The following CHRDL2 variants were observed in gnomAD, a reference collection of about 807,000 sequenced individuals.
CHRDL2 encodes the protein chordin-like protein 2.
In CHRDL2, 41 loss-of-function variants were observed where a neutral mutation model predicts 54.3. The ratio of observed to expected loss-of-function variants is 0.76; its 90% CI spans 0.59 to 0.98. CHRDL2 has a LOEUF of 0.98. Ranked by LOEUF, CHRDL2 falls within the 50% of genes least tolerant of loss-of-function variation. The pLI is 0.00. For synonymous variants in CHRDL2, 220 were observed against 224.3 expected (o/e 0.98, Z 0.17); for missense variants, 518 against 562.4 (o/e 0.92, Z 0.80).
In CHRDL2 at chr11:74,706,513, C is replaced by G; in HGVS notation, c.556G>C (p.Asp186His). Residue 186 changes from aspartate to histidine, a missense_variant, in exon 6 of 11, where the codon GAC (aspartate) becomes CAC (histidine). Transcript: ENST00000376332. ...ACCCCATGGAGCGACTGCACACTGT[C>G]CTCTTCATCCGATTGCTCACTTGCC... ...DEASEQSDEE[D>H]SVQSLHGVRH... The G allele has an allele frequency of 6.2e-7, 1 of 1,614,102 alleles. No individual in the cohort carries two copies. The highest frequency in any genetic ancestry group is 8.5e-7 in the Non-Finnish European group (1 of 1,179,976).
At position 74,697,263 on chromosome 11, in the gene CHRDL2, C is replaced by T; in HGVS notation, c.1155G>A (p.Arg385=). ...GTGCCTCTTTCTGGAAGTCTTGCTT[C>T]CTGACTTTCTTGATCTGAGTCAAGT... ...IFHLTQIKKV[R]KQDFQKEAQH... The change falls in exon 10 of 11, where the codon AGG becomes AGA. Residue 385 remains arginine, a synonymous_variant. Coordinates refer to ENST00000376332, the MANE Select transcript of CHRDL2 (RefSeq NM_001278473.3). 1 of 1,614,056 alleles carries T rather than the reference C, an allele frequency of 6.2e-7. No individual in the cohort carries two copies. The highest frequency in any genetic ancestry group is 1.3e-5 in the African/African-American group (1 of 75,050).
intron 9 of CHRDL2, chr11:74,698,897 G>A (rs754372735): frequency 1.7e-4 from 26 of 152,268 alleles, no homozygotes; most frequent in South Asian, 4.1e-4. Flanking sequence ...TGGCCAGAAA[G>A]AACAGATGCA....
intron 9 of CHRDL2, among the ~76,000 whole-genome samples, chr11:74,700,484 G>A (rs2033764616): frequency 6.6e-6 from 1 of 152,108 alleles, no homozygotes. Flanking sequence ...ACTGCACCCA[G>A]GTCACTAAGC....
Position 74,718,873 on chromosome 11 carries a change from CA to C in CHRDL2, c.83-42del, listed in dbSNP as rs774042578. On this transcript the variant is annotated intron_variant, in intron 1 of 10. Transcript: ENST00000376332. ...GTGCCATGTTAGTCCCAGGAGGCTC[CA>C]GCCCAAAGACCCTGTCTCATTTCTC... 1.6e-5 allele frequency: 20 copies of C among 1,258,710 alleles called. No homozygotes were observed. The African/African-American group carries it at 2.8e-4, about 18-fold the overall frequency. 78.0% of individuals were successfully genotyped at this position (1,258,710 alleles called of 1,614,324 possible). A position where few individuals can be genotyped will look rare whatever the true frequency, so the allele number is the denominator to read the frequency against.
chr11:74,699,483 G>C (rs2033727980), intron 9 of CHRDL2: 1 of 152,346 alleles, frequency 6.6e-6, no homozygotes, highest in African/African-American at 2.4e-5. Context: ...CCTTTGGGCT[G>C]AGCAATTCAC....
Position 74,730,806 on chromosome 11 carries a change from C to G in CHRDL2, c.82+1G>C. 6.2e-7 allele frequency: 1 copy of G among 1,609,648 alleles called. No homozygotes were observed. Among genetic ancestry groups the G allele is most frequent in the Non-Finnish European group, 8.5e-7 (1 of 1,178,400 alleles). On this transcript the variant is annotated splice_donor_variant, in intron 1 of 10. Transcript: ENST00000376332. LOFTEE classifies it high-confidence loss of function. ...CCCACCCAGCCTCCCGGTCTACTTA[C>G]GGGCTCGAGCGTGGGAGTCCAGGGG...
At chr11:74,724,465 G>A (rs2034541911) in intron 1 of CHRDL2, among the ~76,000 whole-genome samples, 1 of 152,238 alleles carries the variant, frequency 6.6e-6, no homozygotes, top group Admixed American at 6.5e-5. Flanking sequence ...GTCATCCCCA[G>A]CCTATCATGA....
In CHRDL2 at chr11:74,718,702, G is replaced by T. The variant is rs375388748; in HGVS notation, c.195+18C>A. 4.1e-5 allele frequency: 63 copies of T among 1,553,956 alleles called. No individual in the cohort carries two copies. The African/African-American group carries it at 8.3e-4, about 20-fold the overall frequency. On this transcript the variant is annotated intron_variant, in intron 2 of 10. Coordinates refer to ENST00000376332, the MANE Select transcript of CHRDL2 (RefSeq NM_001278473.3). ...AGACATCCCTGACACAGGTGGTCAG[G>T]TGGCCAGAGGAACCTACCTCTGAGC... is the stretch of plus-strand genomic sequence containing the variant.
Position 74,730,821 on chromosome 11 carries a change from G to A in CHRDL2, c.68C>T (p.Ser23Phe). ...GGTCTACTTACGGGCTCGAGCGTGG[G>A]AGTCCAGGGGGAACCAGAGCAGCGC... ...GLALLWFPLD[S>F]HARARPDMFC... Residue 23 changes from serine to phenylalanine, a missense_variant, in exon 1 of 11, where the codon TCC (serine) becomes TTC (phenylalanine). Physicochemically the swap from Ser to Phe is radical, Grantham distance 155. Coordinates refer to ENST00000376332, the MANE Select transcript of CHRDL2 (RefSeq NM_001278473.3). 2 of 1,611,974 alleles carry A rather than the reference G, an allele frequency of 1.2e-6. No homozygotes were observed. Among genetic ancestry groups the A allele is most frequent in the Non-Finnish European group, 8.5e-7 (1 of 1,179,412 alleles).
intron 3 of CHRDL2, among the ~76,000 whole-genome samples, chr11:74,712,099 C>T (rs903042559): frequency 8.6e-5 from 13 of 152,014 alleles, no homozygotes; most frequent in African/African-American, 2.4e-4. Flanking sequence ...TACAAGCCAC[C>T]GTGACTGGCC....
intron 9 of CHRDL2, chr11:74,701,497 G>A (rs1591349066): frequency 6.1e-6 from 4 of 655,790 alleles, no homozygotes; most frequent in East Asian, 2.7e-5. Flanking sequence ...CACTTTCTTC[G>A]TCCATTCCTC....
Position 74,702,924 on chromosome 11 carries a change from C to A in CHRDL2, c.990G>T (p.Arg330Ser). 6.2e-7 allele frequency: 1 copy of A among 1,614,026 alleles called. No individual in the cohort carries two copies. Among genetic ancestry groups the A allele is most frequent in the Admixed American group, 1.7e-5 (1 of 60,004 alleles). ...GGACCCGGCCCGGTGCCTTGGGACA[C>A]CTGGTAGAACTGATCTCACTGTGGC... The part of the protein sequence containing the change: ...DPGHSEISST[R>S]CPKAPGRVLV... The change falls in exon 9 of 11, where the codon AGG becomes AGT. Residue 330 changes from arginine (R) to serine (S), a missense_variant. By Grantham distance (110) the Arg-to-Ser change is moderately radical. Transcript: ENST00000376332.
intron 2 of CHRDL2, among the ~76,000 whole-genome samples, chr11:74,715,623 A>C (rs1360990228): frequency 6.6e-6 from 1 of 151,314 alleles, no homozygotes; most frequent in Non-Finnish European, 1.5e-5. Context: ...AAAAAAGAAA[A>C]AGAAAAAAAA....
At chr11:74,697,579 C>G in intron 9 of CHRDL2, 1 of 521,014 alleles carries the variant, frequency 1.9e-6, no homozygotes, top group South Asian at 1.8e-5. Context: ...TAGCTCTGGT[C>G]ATTAGAACAT....
At chr11:74,707,651 T>G (rs1253824994) in intron 5 of CHRDL2, among the ~76,000 whole-genome samples, 1 of 151,984 alleles carries the variant, frequency 6.6e-6, no homozygotes, top group African/African-American at 2.4e-5. Context: ...TCTCAGCTCA[T>G]CTGCTTGCAG....
chr11:74,716,630 T>C (rs1258509260), intron 2 of CHRDL2, among the ~76,000 whole-genome samples: 1 of 151,138 alleles, frequency 6.6e-6, no homozygotes, highest in Non-Finnish European at 1.5e-5. Context: ...AATTTTACTT[T>C]AGGTCCAATG....
chr11:74,721,497 C>T (rs1251863926), intron 1 of CHRDL2, among the ~76,000 whole-genome samples: 3 of 152,224 alleles, frequency 2.0e-5, no homozygotes, highest in Non-Finnish European at 2.9e-5. Context: ...CAGGAGGCCT[C>T]CAGTGGCCAC....
At chr11:74,723,532 T>C (rs888810804) in intron 1 of CHRDL2, among the ~76,000 whole-genome samples, 2 of 152,240 alleles carry the variant, frequency 1.3e-5, no homozygotes, top group African/African-American at 4.8e-5. Context: ...TGAGAACTTT[T>C]ACCTTTTTAC....
chr11:74,730,574 T>C (rs1017595993), intron 1 of CHRDL2, among the ~76,000 whole-genome samples: 2 of 152,200 alleles, frequency 1.3e-5, no homozygotes, highest in Non-Finnish European at 2.9e-5. Flanking sequence ...CTCCCCCCGC[T>C]GCCCTTGGTG....
Sources: gnomAD v4.1 joint callset for allele counts (sites outside exome capture counted in the v4.1 genomes callset) on GRCh38, gnomAD v4.1.1 for gene constraint, MANE v1.5 for transcripts, NCBI Gene and HGNC (gene_info 2026-07-23, HGNC 2026-07-21) for gene names.